The following ATG2B variants were observed in gnomAD, a reference collection of about 807,000 sequenced individuals.
ATG2B encodes autophagy-related protein 2 homolog B.
A neutral mutation model predicts 241.3 loss-of-function variants in ATG2B; 121 were observed. That is an observed-to-expected ratio of 0.50 (90% CI 0.43 to 0.58). The LOEUF (loss-of-function observed/expected upper bound fraction) is 0.58. ATG2B is among the 20% of genes least tolerant of loss of function. The pLI is 0.00. For missense variants in ATG2B, 2,306 were observed against 2,491.6 expected, an observed-to-expected ratio of 0.93 and a Z score of 1.59; for synonymous variants, 858 against 876.6, an observed-to-expected ratio of 0.98 and a Z score of 0.37.
chr14:96,317,210 G>C lies in ATG2B; in HGVS notation c.3145C>G (p.Gln1049Glu), dbSNP rs983569615. 1.2e-6 allele frequency: 2 copies of C among 1,613,364 alleles called. No individual in the cohort carries two copies. The highest frequency in any genetic ancestry group is 2.2e-5 in the East Asian group (1 of 44,862). ...KKLDSQNKNS[Q>E]SFLSVLLNIN... ...TTCAGAAGAACTGAGAGAAAACTCT[G>C]AGAGTTCTTGTTCTGAGAGTCTAAT... Residue 1049 changes from glutamine to glutamate, a missense_variant, in exon 20 of 42, where the codon CAG (glutamine) becomes GAG (glutamate). Around this residue, in one of 2 missense-constraint regions of ATG2B, gnomAD observed 1,927 missense variants for 2,011.2 expected, o/e 0.96. Coordinates refer to ENST00000359933, the MANE Select transcript of ATG2B (RefSeq NM_018036.7).
intron 1 of ATG2B, among the ~76,000 whole-genome samples, chr14:96,359,673 G>C (rs1888572721): frequency 6.6e-6 from 1 of 151,984 alleles, no homozygotes; most frequent in Admixed American, 6.6e-5. Flanking sequence ...CCACTTCTAG[G>C]GACAAGGAGT....
chr14:96,315,440 T>G lies in ATG2B; in HGVS notation c.3505A>C (p.Asn1169His). Residue 1169 changes from asparagine (N) to histidine (H), a missense_variant, in exon 22 of 42, where the codon AAT (asparagine) becomes CAT (histidine). Physicochemically the swap from Asn to His is moderately conservative, Grantham distance 68 (BLOSUM62 1). This residue lies in a region of ATG2B where 1,927 missense variants were observed against 2,011.2 expected (regional missense o/e 0.96). Transcript: ENST00000359933. ...SSDGVGGDSLNMLSVAVKILS... is the reference protein window; with the variant it reads ...SSDGVGGDSLHMLSVAVKILS... The stretch of plus-strand genomic sequence containing the variant: ...ATTTTAACGGCAACAGACAGCATAT[T>G]CAAACTGTCTCCTCCAACTCCATCT... 1 of 1,614,152 alleles carries G rather than the reference T, an allele frequency of 6.2e-7. No homozygotes were observed. Among genetic ancestry groups the G allele is most frequent in the Non-Finnish European group, 8.5e-7 (1 of 1,179,968 alleles).
rs1383609617 is a variant in ATG2B, at chr14:96,331,495, T to A, written c.1611A>T (p.Thr537=). ...AAGTAAAGAAAGCTACTGCCATAGG[T>A]GTCAATGGATTAAGGTTCTGTGACG... The part of the protein sequence containing the change: ...PETSQNLNPL[T]PMAVAFFTCI... Residue 537 remains threonine, a synonymous_variant, in exon 11 of 42, where the codon ACA becomes ACT. Coordinates refer to ENST00000359933, the MANE Select transcript of ATG2B (RefSeq NM_018036.7). 1 of 1,614,036 alleles carries A rather than the reference T, an allele frequency of 6.2e-7. No homozygotes were observed. Among genetic ancestry groups the A allele is most frequent in the East Asian group, 2.2e-5 (1 of 44,864 alleles).
In ATG2B at chr14:96,303,041, A is replaced by G. The variant is rs189829847; in HGVS notation, c.5037+20T>C. ...ACGTTTCCAAAACTAACATAACACA[A>G]CGATGAGGTTAACTCTTACCATGTT... On this transcript the variant is annotated intron_variant, in intron 33 of 41. Coordinates refer to ENST00000359933, the MANE Select transcript of ATG2B (RefSeq NM_018036.7). The G allele has an allele frequency of 7.4e-5, 109 of 1,470,268 alleles. No individual in the cohort carries two copies. In the African/African-American group the frequency reaches 1.2e-3, roughly 16 times the overall value. The allele number at this position is 1,470,268 out of a possible 1,614,324, so 91.1% of individuals were successfully genotyped here.
chr14:96,298,781 G>A (rs142162992), intron 34 of ATG2B, among the ~76,000 whole-genome samples: 1 of 152,346 alleles, frequency 6.6e-6, no homozygotes, highest in East Asian at 1.9e-4. Flanking sequence ...GGACATGAGT[G>A]ACGTCTTCAC....
intron 15 of ATG2B, 71 bp downstream of exon 15, chr14:96,325,578 T>C: frequency 1.4e-6 from 2 of 1,404,676 alleles, no homozygotes; most frequent in Non-Finnish European, 1.9e-6. Flanking sequence ...CAGATACTTT[T>C]GTGATGTTAA....
In ATG2B at chr14:96,282,179, A is replaced by G. The variant is rs1886216835; in HGVS notation, c.*3576T>C. On this transcript the variant is annotated 3_prime_UTR_variant, in exon 42 of 42. Transcript: ENST00000359933. ...AAAAGAAATTTTTCCTTCATTATCT[A>G]TAAACTATACAAATAACCTTCCTTT... is the stretch of plus-strand genomic sequence containing the variant. 1 of 152,254 alleles carries G rather than the reference A, an allele frequency of 6.6e-6. No homozygotes were observed. Among genetic ancestry groups the G allele is most frequent in the Non-Finnish European group, 1.5e-5 (1 of 68,042 alleles). 9.4% of individuals were successfully genotyped at this position (152,254 alleles called of 1,614,324 possible).
rs780377168 is a variant in ATG2B, at chr14:96,328,459, A to G, written c.2051T>C (p.Leu684Pro). Reference sequence around the variant, plus strand: ...TAACCTGTCCACAATACTGATATCCAGCTCACAACACACTGGATTTAATTT... The same window carrying G: ...TAACCTGTCCACAATACTGATATCCGGCTCACAACACACTGGATTTAATTT... ...QIKLNPVCCE[L>P]DISIVDRLNS... Residue 684 changes from leucine (L) to proline (P), a missense_variant, in exon 14 of 42, where the codon CTG becomes CCG. By Grantham distance (98) the Leu-to-Pro change is moderately conservative. Transcript: ENST00000359933. The G allele has an allele frequency of 1.9e-6, 3 of 1,613,656 alleles. No individual in the cohort carries two copies. The highest frequency in any genetic ancestry group is 1.1e-5 in the South Asian group (1 of 91,058).
intron 4 of ATG2B, among the ~76,000 whole-genome samples, chr14:96,344,306 T>C (rs1158219969): frequency 2.6e-5 from 4 of 152,224 alleles, no homozygotes; most frequent in Non-Finnish European, 5.9e-5. Context: ...TAATGAAATA[T>C]GCCTAAATAT....
intron 28 of ATG2B, among the ~76,000 whole-genome samples, chr14:96,309,821 A>C (rs1887100212): frequency 6.6e-6 from 1 of 152,232 alleles, no homozygotes. Flanking sequence ...AAGCAAGCAC[A>C]GTGAACTGGG....
In ATG2B at chr14:96,363,317, A is replaced by T. The variant is rs897370797; in HGVS notation, c.-341T>A. On this transcript the variant is annotated 5_prime_UTR_variant, in exon 1 of 42. It removes an upstream start codon present in the reference 5' UTR. Coordinates refer to ENST00000359933, the MANE Select transcript of ATG2B (RefSeq NM_018036.7). ...GCCGCCGCGCGACGAATTTGTTGTC[A>T]TCCGCGAGGCGCGTTCCCGGCTGTA... is the stretch of plus-strand genomic sequence containing the variant. 5.4e-5 allele frequency: 14 copies of T among 257,922 alleles called. No homozygotes were observed. Among genetic ancestry groups the T allele is most frequent in the Non-Finnish European group, 2.3e-5 (3 of 131,768 alleles). 16.0% of individuals were successfully genotyped at this position (257,922 alleles called of 1,614,324 possible).
In ATG2B at chr14:96,289,422, A is replaced by G. The variant is rs1886422780; in HGVS notation, c.6006+234T>C. On this transcript the variant is annotated intron_variant, in intron 41 of 41. Coordinates refer to ENST00000359933, the MANE Select transcript of ATG2B (RefSeq NM_018036.7). This position sits in a 1 kb window ranked among gnomAD's most constrained non-coding sequence, Gnocchi z 4.3. ...CACTCCCTGAGTGCTTCTGCAGGTG[A>G]AGAGAGAGAATCCATCCACCCACGC... The G allele has an allele frequency of 2.4e-6, 1 of 419,476 alleles. No homozygotes were observed. Among genetic ancestry groups the G allele is most frequent in the Admixed American group, 3.8e-5 (1 of 25,998 alleles). 26.0% of individuals were successfully genotyped at this position (419,476 alleles called of 1,614,324 possible).
At chr14:96,324,876 G>A (rs946486814) in intron 15 of ATG2B, among the ~76,000 whole-genome samples, 6 of 151,954 alleles carry the variant, frequency 3.9e-5, no homozygotes, top group African/African-American at 2.4e-5. Flanking sequence ...GAAAAGAAGG[G>A]GAACTTTTGC....
intron 29 of ATG2B, among the ~76,000 whole-genome samples, chr14:96,308,247 TATATAC>T (rs1299975060): frequency 7.5e-5 from 1 of 13,314 alleles, no homozygotes; most frequent in South Asian, 1.5e-3. Flanking sequence ...TATATATATA[TATATAC>T]ACACATATAT....
At chr14:96,308,276 ATATATATTTTTT>A (rs1887051738) in intron 29 of ATG2B, among the ~76,000 whole-genome samples, 2 of 27,112 alleles carry the variant, frequency 7.4e-5, no homozygotes, top group South Asian at 1.1e-3. Context: ...ATATATATAT[ATATATATTTTTT>A]TTTTTTTTTT....
Position 96,291,607 on chromosome 14 carries a change from G to T in ATG2B, c.5572C>A (p.Arg1858=), listed in dbSNP as rs778403094. The change falls in exon 38 of 42, where the codon CGA becomes AGA. Residue 1858 remains arginine, a synonymous_variant. Coordinates refer to ENST00000359933, the MANE Select transcript of ATG2B (RefSeq NM_018036.7). ...TATAATAAATTCACTTACCCATGTC[G>T]ATAGGAAAGCCTCTTGAGCTTTAGT... is the stretch of plus-strand genomic sequence containing the variant. ...SELKLKRLSY[R]HGLLGVDKLF... The T allele has an allele frequency of 3.8e-6, 6 of 1,597,684 alleles. No individual in the cohort carries two copies. Among genetic ancestry groups the T allele is most frequent in the Non-Finnish European group, 5.1e-6 (6 of 1,169,248 alleles).
intron 32 of ATG2B, among the ~76,000 whole-genome samples, chr14:96,304,263 G>A (rs192536608): frequency 2.8e-3 from 427 of 152,350 alleles, no homozygotes; most frequent in Middle Eastern, 0.027. Flanking sequence ...GCTCAACTGT[G>A]AGAACCACCG....
At chr14:96,338,690 TAAGAA>T (rs568065582) in intron 6 of ATG2B, among the ~76,000 whole-genome samples, 64 of 151,990 alleles carry the variant, frequency 4.2e-4, no homozygotes, top group Non-Finnish European at 6.8e-4. Context: ...AAAAATTCTA[TAAGAA>T]AACATTGGAA....
chr14:96,330,000 C>T (rs1432648766), intron 11 of ATG2B, among the ~76,000 whole-genome samples: 4 of 150,782 alleles, frequency 2.7e-5, no homozygotes, highest in African/African-American at 7.4e-5. Context: ...TTTTCTGCCG[C>T]TTTTGTTCTA....
Sources: allele counts gnomAD v4.1 joint callset (sites outside exome capture counted in the v4.1 genomes callset), GRCh38; gene constraint gnomAD v4.1.1; regional missense constraint gnomAD v4.1.1; non-coding constraint Gnocchi (gnomAD v3.1); transcripts MANE v1.5; gene names NCBI Gene and HGNC (gene_info 2026-07-23, HGNC 2026-07-21).